The following BBS9 variants were observed in gnomAD, a reference collection of about 807,000 sequenced individuals.
The protein encoded by BBS9 is protein PTHB1.
A neutral mutation model predicts 117.7 loss-of-function variants in BBS9; 89 were observed. That is an observed-to-expected ratio of 0.76 (90% CI 0.64 to 0.90). The LOEUF (loss-of-function observed/expected upper bound fraction) is 0.90, where lower values mean the gene tolerates loss of function less well. Ranked by LOEUF, BBS9 falls within the 40% of genes least tolerant of loss-of-function variation. The pLI is 0.00. For missense variants in BBS9, 982 were observed against 1,042.2 expected (o/e 0.94, Z 0.80); for synonymous variants, 379 against 370.9 (o/e 1.02, Z -0.25).
rs1284119141 is a variant in BBS9, at chr7:33,453,747, C to T, written c.2116-51716C>T. ...GTTGGCCAGGCTGATCTCCAACTCC[C>T]GACCTCAGGTGATCTGCCTGCCTCG... On this transcript the variant is annotated intron_variant, in intron 19 of 22. Coordinates refer to ENST00000242067, the MANE Select transcript of BBS9 (RefSeq NM_198428.3). 5.9e-5 allele frequency among the ~76,000 whole-genome samples: 9 copies of T among 152,148 alleles called. No homozygotes were observed. In the East Asian group the frequency reaches 7.8e-4, roughly 13 times the overall value.
chr7:33,536,245 C>T (rs1032481118), intron 21 of BBS9, among the ~76,000 whole-genome samples: 6 of 151,948 alleles, frequency 3.9e-5, no homozygotes, highest in African/African-American at 1.5e-4. Flanking sequence ...AGTCGCAATG[C>T]CTTGCCTTTA....
rs137945751 is a variant in BBS9 at position 33,542,022 on chromosome 7, A to G, written c.2521+7846A>G. Among the ~76,000 whole-genome samples, 995 of 152,334 alleles carry G rather than the reference A, an allele frequency of 6.5e-3. 12 individuals are homozygous for G. The highest frequency in any genetic ancestry group is 0.023 in the African/African-American group (947 of 41,570). ...ATTTAGAAAATTCAGGTGAACTAAA[A>G]GAAGAAAATTTATTTATATTTCTGT... On this transcript the variant is annotated intron_variant, in intron 21 of 22. Coordinates refer to ENST00000242067, the MANE Select transcript of BBS9 (RefSeq NM_198428.3).
intron 21 of BBS9, among the ~76,000 whole-genome samples, chr7:33,561,529 T>C (rs560367015): frequency 6.6e-6 from 1 of 152,226 alleles, no homozygotes; most frequent in East Asian, 1.9e-4. Context: ...ACTGATCTTT[T>C]TGGGACTCTG....
chr7:33,183,489 T>C (rs533616922), intron 5 of BBS9, among the ~76,000 whole-genome samples: 2 of 152,200 alleles, frequency 1.3e-5, no homozygotes, highest in African/African-American at 2.4e-5. Context: ...ATAAACCTCT[T>C]ATTACCCTAC....
chr7:33,225,239 G>T (rs146260038), intron 5 of BBS9, among the ~76,000 whole-genome samples: 1 of 152,010 alleles, frequency 6.6e-6, no homozygotes. Flanking sequence ...ACTCTTTTGC[G>T]CAGGCTTGAA....
At chr7:33,164,790 A>T (rs1795407311) in intron 4 of BBS9, among the ~76,000 whole-genome samples, 1 of 152,144 alleles carries the variant, frequency 6.6e-6, no homozygotes, top group Non-Finnish European at 1.5e-5. Context: ...CCAATTTGCC[A>T]GTCTGTGTCT....
chr7:33,169,802 G>A (rs1355326580), intron 4 of BBS9, among the ~76,000 whole-genome samples: 1 of 151,130 alleles, frequency 6.6e-6, no homozygotes, highest in Admixed American at 6.6e-5. Flanking sequence ...CTGTGCAGAA[G>A]CTCTTTAGTT....
At chr7:33,554,118 A>G (rs1176590217) in intron 21 of BBS9, among the ~76,000 whole-genome samples, 3 of 152,134 alleles carry the variant, frequency 2.0e-5, no homozygotes, top group Non-Finnish European at 2.9e-5. Flanking sequence ...CACATGGTCT[A>G]TCTGGCTTGA....
At chr7:33,413,280 A>C (rs1028276919) in intron 19 of BBS9, among the ~76,000 whole-genome samples, 2 of 152,238 alleles carry the variant, frequency 1.3e-5, no homozygotes, top group African/African-American at 2.4e-5. Flanking sequence ...CACTGGGACC[A>C]TGAATGATAA....
In BBS9 at chr7:33,135,428, C is replaced by T. The variant is rs573448199; in HGVS notation, c.-12+5387C>T. 1.8e-4 allele frequency among the ~76,000 whole-genome samples: 27 copies of T among 152,196 alleles called. No individual in the cohort carries two copies. The East Asian group carries it at 4.6e-3, about 26-fold the overall frequency. On this transcript the variant is annotated intron_variant, in intron 1 of 22. Coordinates refer to ENST00000242067, the MANE Select transcript of BBS9 (RefSeq NM_198428.3). ...ATGTCACTATTCGGTCATCTTAGACCCATTTGTTGCAATTACTCTTTGAAT... is the reference window on the plus strand; with the variant it reads ...ATGTCACTATTCGGTCATCTTAGACTCATTTGTTGCAATTACTCTTTGAAT...
chr7:33,527,214 C>T (rs1236193968), intron 20 of BBS9, among the ~76,000 whole-genome samples: 1 of 152,218 alleles, frequency 6.6e-6, no homozygotes, highest in Non-Finnish European at 1.5e-5. Flanking sequence ...TGTCTGTGCC[C>T]TGCCCCCAGA....
At chr7:33,272,876 T>A (rs1371027656) in intron 7 of BBS9, 136 bp from the exon 8 acceptor site, 1 of 881,028 alleles carries the variant, frequency 1.1e-6, no homozygotes, top group East Asian at 2.6e-5. Context: ...AAAAAAAGAA[T>A]AAAGAAATGA....
intron 5 of BBS9, among the ~76,000 whole-genome samples, chr7:33,212,865 G>GTC (rs932344243): frequency 2.0e-5 from 3 of 151,944 alleles, no homozygotes; most frequent in South Asian, 2.1e-4. Flanking sequence ...ATTGAACGTA[G>GTC]TCTCTCTCTC....
intron 21 of BBS9, among the ~76,000 whole-genome samples, chr7:33,612,152 G>A (rs368278265): frequency 3.1e-4 from 47 of 151,872 alleles, no homozygotes; most frequent in Non-Finnish European, 6.2e-4. Flanking sequence ...GTTAAGTGAG[G>A]AAACTGAAGC....
intron 1 of BBS9, among the ~76,000 whole-genome samples, chr7:33,134,407 A>G (rs1046999015): frequency 1.3e-5 from 2 of 151,654 alleles, no homozygotes; most frequent in South Asian, 2.1e-4. Context: ...TGTATATCTT[A>G]CTTGGAAAAA....
chr7:33,270,905 A>G (rs1404421075), intron 7 of BBS9, among the ~76,000 whole-genome samples: 2 of 152,182 alleles, frequency 1.3e-5, no homozygotes, highest in Non-Finnish European at 2.9e-5. Context: ...CAAGACACAT[A>G]ATCATCAGAT....
At chr7:33,340,354 G>C (rs1250127093) in intron 10 of BBS9, among the ~76,000 whole-genome samples, 3 of 152,126 alleles carry the variant, frequency 2.0e-5, no homozygotes, top group Non-Finnish European at 2.9e-5. Flanking sequence ...AAGATGGACA[G>C]CACCCTTATT....
chr7:33,585,504 A>G (rs951850959), intron 21 of BBS9, among the ~76,000 whole-genome samples: 3 of 152,086 alleles, frequency 2.0e-5, no homozygotes, highest in East Asian at 1.9e-4. Context: ...CCCAATCACT[A>G]TGTATGTGAC....
intron 21 of BBS9, among the ~76,000 whole-genome samples, chr7:33,555,360 T>C (rs1326838462): frequency 2.0e-5 from 3 of 152,170 alleles, no homozygotes; most frequent in Admixed American, 6.5e-5. Flanking sequence ...TACATTCAGG[T>C]GCTGTCACAG....
Sources: gnomAD v4.1 joint callset for allele counts (sites outside exome capture counted in the v4.1 genomes callset) on GRCh38, gnomAD v4.1.1 for gene constraint, MANE v1.5 for transcripts, NCBI Gene and HGNC (gene_info 2026-07-23, HGNC 2026-07-21) for gene names.